URB1: variants seen among roughly 807,000 people sequenced by gnomAD.
URB1 encodes the protein URB1 ribosome biogenesis factor.
A neutral mutation model predicts 242.3 loss-of-function variants in URB1; 197 were observed. That is an observed-to-expected ratio of 0.81 (90% CI 0.72 to 0.91). The LOEUF is 0.91. Ranked by LOEUF, URB1 falls within the 40% of genes least tolerant of loss-of-function variation. The pLI is 0.00. For missense variants in URB1, 2,721 were observed against 2,860.5 expected (o/e 0.95, Z 1.11); for synonymous variants, 1,153 against 1,201.8 (o/e 0.96, Z 0.84).
At chr21:32,340,106 T>C (rs960732823) in intron 25 of URB1, among the ~76,000 whole-genome samples, 6 of 152,266 alleles carry the variant, frequency 3.9e-5, no homozygotes, top group Admixed American at 3.9e-4. Context: ...TCTGTGATGG[T>C]AACCTATAGT....
chr21:32,314,275 C>CCA lies in URB1; in HGVS notation c.*642_*643insTG. On this transcript the variant is annotated 3_prime_UTR_variant, in exon 39 of 39. Coordinates refer to ENST00000382751, the MANE Select transcript of URB1 (RefSeq NM_014825.3). ...TCTCAGCTCACTGTAGCCTCCACCT[C>CCA]CCAGGTTCAAGCGATTCCCCTGCCT... 1 of 382,144 alleles carries CCA rather than the reference C, an allele frequency of 2.6e-6. No homozygotes were observed. Among genetic ancestry groups the CCA allele is most frequent in the Admixed American group, 3.7e-5 (1 of 26,962 alleles). 23.7% of individuals were successfully genotyped at this position (382,144 alleles called of 1,614,324 possible).
intron 38 of URB1, 131 bp downstream of exon 38, chr21:32,316,335 C>A (rs2032684684): frequency 7.2e-7 from 1 of 1,380,558 alleles, no homozygotes; most frequent in South Asian, 1.6e-5. Flanking sequence ...TAAGGGGCCA[C>A]CTAAACAAGC....
intron 31 of URB1, 78 bp downstream of exon 31, chr21:32,325,151 C>T (rs1231473986): frequency 2.7e-6 from 4 of 1,466,454 alleles, no homozygotes; most frequent in East Asian, 2.5e-5. Flanking sequence ...AATCCTTCTA[C>T]CAAACCGGGT....
At chr21:32,340,252 G>A (rs185533569) in intron 25 of URB1, among the ~76,000 whole-genome samples, 2 of 152,290 alleles carry the variant, frequency 1.3e-5, no homozygotes, top group African/African-American at 4.8e-5. Context: ...CTGAAGAGCT[G>A]GAATGTATCA....
At position 32,375,458 on chromosome 21, in the gene URB1, T is replaced by C. The variant is rs757106732; in HGVS notation, c.690A>G (p.Ser230=). The C allele has an allele frequency of 1.2e-5, 19 of 1,532,680 alleles. No individual in the cohort carries two copies. The highest frequency in any genetic ancestry group is 7.0e-6 in the Non-Finnish European group (8 of 1,138,416). The allele number at this position is 1,532,680 out of a possible 1,614,324, so 94.9% of individuals were successfully genotyped here. A position where few individuals can be genotyped will look rare whatever the true frequency, so the allele number is the denominator to read the frequency against. Residue 230 remains serine, a synonymous_variant, in exon 6 of 39, where the codon TCA becomes TCG. Transcript: ENST00000382751. The stretch of plus-strand genomic sequence containing the variant: ...TAGAGATCCTATCTTCCTTTATCCC[T>C]GAGCTAAAAATGCAAGGAATAAATT... ...VKEFIPCIFS[S]GIKEDRISTI... is the part of the protein sequence containing the mutation.
chr21:32,385,504 ACTTTT>A (rs1217897654), intron 2 of URB1, 36 bp downstream of exon 2: 2 of 1,532,126 alleles, frequency 1.3e-6, no homozygotes, highest in Admixed American at 2.1e-5. Context: ...AGCAGCATTA[ACTTTT>A]CTTCTCTTCA....
chr21:32,325,693 A>C (rs1340644124), intron 30 of URB1, among the ~76,000 whole-genome samples: 1 of 152,224 alleles, frequency 6.6e-6, no homozygotes, highest in Non-Finnish European at 1.5e-5. Context: ...ACTGAGACCC[A>C]CTGCGGAGAC....
In URB1 at chr21:32,314,386, T is replaced by C. The variant is rs2032644536; in HGVS notation, c.*532A>G. On this transcript the variant is annotated 3_prime_UTR_variant, in exon 39 of 39. Transcript: ENST00000382751. ...TTTTAGTAGAGATGGGGTTTCACCATGTTGGGAAGGCTGGTTTCGAACTCC... is the reference window on the plus strand; with the variant it reads ...TTTTAGTAGAGATGGGGTTTCACCACGTTGGGAAGGCTGGTTTCGAACTCC... The C allele has an allele frequency of 1.5e-5, 9 of 610,564 alleles. No individual in the cohort carries two copies. The highest frequency in any genetic ancestry group is 2.1e-5 in the Non-Finnish European group (7 of 329,060). 37.8% of individuals were successfully genotyped at this position (610,564 alleles called of 1,614,324 possible).
At chr21:32,355,879 G>A (rs1490619615) in intron 15 of URB1, among the ~76,000 whole-genome samples, 1 of 152,180 alleles carries the variant, frequency 6.6e-6, no homozygotes, top group African/African-American at 2.4e-5. Context: ...CCAAAGTGTT[G>A]GGATTATAGG....
Position 32,316,577 on chromosome 21 carries a change from T to TTC in URB1, c.6522_6523insGA (p.Thr2175GlufsTer30), listed in dbSNP as rs2032689619. ...GCAGCCACCAGCTGCAGCATGACCG[T>TTC]ATTGAACAGGCAGGCCACCTCCTGC... On this transcript the variant is annotated frameshift_variant, in exon 38 of 39. Transcript: ENST00000382751. LOFTEE classifies it high-confidence loss of function. The TTC allele has an allele frequency of 6.4e-7, 1 of 1,551,342 alleles. No individual in the cohort carries two copies. The highest frequency in any genetic ancestry group is 1.4e-5 in the African/African-American group (1 of 73,054).
chr21:32,347,061 C>G lies in URB1; in HGVS notation c.3763G>C (p.Ala1255Pro). The G allele has an allele frequency of 6.4e-7, 1 of 1,550,428 alleles. No homozygotes were observed. Among genetic ancestry groups the G allele is most frequent in the Non-Finnish European group, 8.7e-7 (1 of 1,146,456 alleles). The change falls in exon 22 of 39, where the codon GCT becomes CCT. Residue 1255 changes from alanine (A) to proline (P), a missense_variant. Ala to Pro is a conservative substitution (Grantham distance 27, BLOSUM62 -1). Transcript: ENST00000382751. ...CCCTGGAGGCCGAGCCCTGGGCCAGCCTGCAGGCACCACTGCTCGAACCAC... is the reference window on the plus strand; with the variant it reads ...CCCTGGAGGCCGAGCCCTGGGCCAGGCTGCAGGCACCACTGCTCGAACCAC... The part of the protein sequence containing the change: ...LLWFEQWCLQ[A>P]GPGLGLQGDL...
At chr21:32,326,438 C>CA (rs1225000266) in intron 30 of URB1, among the ~76,000 whole-genome samples, 2 of 152,136 alleles carry the variant, frequency 1.3e-5, no homozygotes, top group Non-Finnish European at 2.9e-5. Flanking sequence ...ACAGAAGATA[C>CA]AAAAACCCAA....
Position 32,373,758 on chromosome 21 carries a change from T to G in URB1, c.765A>C (p.Lys255Asn). Residue 255 changes from lysine (K) to asparagine (N), a missense_variant, in exon 7 of 39, where the codon AAA becomes AAC. Transcript: ENST00000382751. ...GCACCTTCTGGGTTTTTGTGATATT[T>G]TTATTGTGAACTACCTGAAACAATA... ...STLKTKVVHN[K>N]NITKTQKVRF... 6.5e-7 allele frequency: 1 copy of G among 1,542,504 alleles called. No homozygotes were observed. The highest frequency in any genetic ancestry group is 8.7e-7 in the Non-Finnish European group (1 of 1,144,104).
chr21:32,317,136 G>C, intron 37 of URB1, 71 bp from the exon 38 acceptor site: 1 of 1,446,674 alleles, frequency 6.9e-7, no homozygotes, highest in African/African-American at 1.4e-5. Flanking sequence ...GATGTGGGGA[G>C]GTGTCAATGG....
At chr21:32,325,426 T>C in intron 30 of URB1, 37 bp from the exon 31 acceptor site, 1 of 1,523,270 alleles carries the variant, frequency 6.6e-7, no homozygotes, top group Non-Finnish European at 8.9e-7. Flanking sequence ...ACACACACAA[T>C]ATGATTTTAT....
chr21:32,317,872 A>T lies in URB1; in HGVS notation c.5838T>A (p.Leu1946=). The T allele has an allele frequency of 6.4e-7, 1 of 1,551,750 alleles. No homozygotes were observed. Among genetic ancestry groups the T allele is most frequent in the Non-Finnish European group, 8.7e-7 (1 of 1,146,988 alleles). ...PVQLTNFFGT[L]DSVLRYRATV... is the part of the protein sequence containing the mutation. ...TGGCCCGGTACCTCAGCACGGAGTC[A>T]AGTGTCCCGAAGAAGTTGGTCAGCT... Residue 1946 remains leucine, a synonymous_variant, in exon 37 of 39, where the codon CTT becomes CTA. Coordinates refer to ENST00000382751, the MANE Select transcript of URB1 (RefSeq NM_014825.3).
At position 32,351,803 on chromosome 21, in the gene URB1, C is replaced by T. The variant is rs115594369; in HGVS notation, c.2614-881G>A. ...CACATAAGTTGCTGTCTGGCTATCA[C>T]TGTGGCCTACGTGTGGGGGAAGGTG... On this transcript the variant is annotated intron_variant, in intron 19 of 38. Transcript: ENST00000382751. 5.4e-3 allele frequency among the ~76,000 whole-genome samples: 816 copies of T among 152,342 alleles called. 9 individuals are homozygous for T. Among genetic ancestry groups the T allele is most frequent in the African/African-American group, 0.019 (784 of 41,580 alleles).
intron 4 of URB1, among the ~76,000 whole-genome samples, chr21:32,379,835 C>T (rs2033502686): frequency 6.6e-6 from 1 of 151,986 alleles, no homozygotes. Flanking sequence ...ACTAAAAATA[C>T]AAAAATTAGC....
chr21:32,316,579 T>A lies in URB1; in HGVS notation c.6521A>T (p.Asn2174Ile). The change falls in exon 38 of 39, where the codon AAT becomes ATT. Residue 2174 changes from asparagine (N) to isoleucine (I), a missense_variant. Physicochemically the swap from Asn to Ile is moderately radical, Grantham distance 149. Transcript: ENST00000382751. ...AGCCACCAGCTGCAGCATGACCGTATTGAACAGGCAGGCCACCTCCTGCAC... is the reference window on the plus strand; with the variant it reads ...AGCCACCAGCTGCAGCATGACCGTAATGAACAGGCAGGCCACCTCCTGCAC... ...GPVQEVACLF[N>I]TVMLQLVAAQ... 6.4e-7 allele frequency: 1 copy of A among 1,551,428 alleles called. No individual in the cohort carries two copies. Among genetic ancestry groups the A allele is most frequent in the Non-Finnish European group, 8.7e-7 (1 of 1,146,940 alleles).
Sources: gnomAD v4.1 joint callset for allele counts (sites outside exome capture counted in the v4.1 genomes callset) on GRCh38, gnomAD v4.1.1 for gene constraint, MANE v1.5 for transcripts, NCBI Gene and HGNC (gene_info 2026-07-23, HGNC 2026-07-21) for gene names.